NDUFA10: variants seen among roughly 807,000 people sequenced by gnomAD.
NDUFA10 encodes the protein NADH dehydrogenase [ubiquinone] 1 alpha subcomplex subunit 10, mitochondrial.
Under a neutral mutation model 47.8 loss-of-function variants are expected in NDUFA10, and 40 were observed. The observed-to-expected ratio is 0.84, with a 90% confidence interval of 0.65 to 1.09. The LOEUF is 1.09. Ranked by LOEUF, NDUFA10 falls within the 50% of genes least tolerant of loss-of-function variation. The pLI is 0.00. For synonymous variants in NDUFA10, 183 were observed against 172.2 expected, an observed-to-expected ratio of 1.06 and a Z score of -0.49; for missense variants, 413 against 451.1, an observed-to-expected ratio of 0.92 and a Z score of 0.76.
intron 4 of NDUFA10, chr2:239,942,951 G>A (rs951107078): frequency 6.5e-6 from 1 of 154,320 alleles, no homozygotes; most frequent in African/African-American, 2.4e-5. Context: ...GGCAGGAGGA[G>A]CTCAGCCGAA....
At chr2:239,983,486 A>G in intron 9 of NDUFA10, 1 of 1,560,596 alleles carries the variant, frequency 6.4e-7, no homozygotes, top group Non-Finnish European at 8.7e-7. Flanking sequence ...TTCCTTAAAC[A>G]AAATCCTCTA....
intron 4 of NDUFA10, among the ~76,000 whole-genome samples, chr2:239,917,746 G>A (rs1693901299): frequency 6.6e-6 from 1 of 152,220 alleles, no homozygotes; most frequent in South Asian, 2.1e-4. Context: ...GTCATGTGCT[G>A]TCTTTGTTCC....
chr2:239,914,140 CACACAGAGAT>C (rs919179715), intron 4 of NDUFA10, among the ~76,000 whole-genome samples: 64 of 152,140 alleles, frequency 4.2e-4, no homozygotes, highest in South Asian at 1.5e-3. Flanking sequence ...TACAGATACA[CACACAGAGAT>C]ACACAGAGAT....
intron 4 of NDUFA10, among the ~76,000 whole-genome samples, chr2:239,920,811 C>A (rs995157263): frequency 1.3e-5 from 2 of 152,162 alleles, no homozygotes; most frequent in Non-Finnish European, 2.9e-5. Context: ...GAAAGCCTGG[C>A]AGATGCAGAT....
intron 8 of NDUFA10, among the ~76,000 whole-genome samples, chr2:239,996,493 T>A (rs561200840): frequency 6.6e-6 from 1 of 152,166 alleles, no homozygotes; most frequent in Admixed American, 6.5e-5. Flanking sequence ...TGAACGAAAA[T>A]AAAAATACAA....
At chr2:239,922,000 C>G (rs1467866726) in intron 4 of NDUFA10, among the ~76,000 whole-genome samples, 2 of 72,482 alleles carry the variant, frequency 2.8e-5, no homozygotes, top group Non-Finnish European at 6.5e-5. Context: ...CTCCCTCCTT[C>G]CTTCTTTCCT....
intron 9 of NDUFA10, chr2:239,982,059 A>ATG (rs1695797338): frequency 2.5e-6 from 4 of 1,607,340 alleles, no homozygotes; most frequent in Non-Finnish European, 3.4e-6. Context: ...GTTCTGTGGA[A>ATG]TGTCCTCAAA....
intron 4 of NDUFA10, among the ~76,000 whole-genome samples, chr2:239,917,853 C>T (rs1377114545): frequency 6.6e-6 from 1 of 152,228 alleles, no homozygotes; most frequent in African/African-American, 2.4e-5. Context: ...CTCCTGATTC[C>T]CACAACAAGA....
intron 4 of NDUFA10, among the ~76,000 whole-genome samples, chr2:239,916,962 A>ACCG (rs1693890380): frequency 6.6e-6 from 1 of 152,240 alleles, no homozygotes; most frequent in Non-Finnish European, 1.5e-5. Flanking sequence ...AGGCTCTGGC[A>ACCG]TTACAGGGCA....
intron 9 of NDUFA10, chr2:239,983,741 C>T: frequency 1.3e-6 from 2 of 1,550,962 alleles, no homozygotes; most frequent in Non-Finnish European, 1.7e-6. Flanking sequence ...GGGCAACCCT[C>T]AACTGAGGGA....
At chr2:239,915,402 CAGAACACACACAT>C (rs1320724133) in intron 4 of NDUFA10, among the ~76,000 whole-genome samples, 73 of 107,426 alleles carry the variant, frequency 6.8e-4, no homozygotes, top group Middle Eastern at 4.2e-3. Flanking sequence ...TACATACACA[CAGAACACACACAT>C]ACACAGACAC....
intron 4 of NDUFA10, among the ~76,000 whole-genome samples, chr2:239,898,904 G>A (rs1032228268): frequency 2.0e-5 from 3 of 152,146 alleles, no homozygotes; most frequent in South Asian, 2.1e-4. Flanking sequence ...TGTGAAGGAG[G>A]GGAGTGATGG....
chr2:239,896,392 A>G (rs1447946217), intron 4 of NDUFA10, among the ~76,000 whole-genome samples: 1 of 152,238 alleles, frequency 6.6e-6, no homozygotes, highest in Non-Finnish European at 1.5e-5. Flanking sequence ...CACGCCTGTG[A>G]AGCTGGCAGT....
At chr2:239,935,776 T>TC (rs1553558554) in intron 4 of NDUFA10, among the ~76,000 whole-genome samples, 2 of 152,224 alleles carry the variant, frequency 1.3e-5, no homozygotes, top group South Asian at 2.1e-4. Flanking sequence ...TTGGCTCCCA[T>TC]TCTCTTTTGC....
At position 239,959,505 on chromosome 2, in the gene NDUFA10, T is replaced by C; in HGVS notation, c.*1613A>G. The stretch of plus-strand genomic sequence containing the variant: ...TGACTGGCCCAATGCCCAGCTGTGC[T>C]TTCATTTCATGATTAAAGCTGTTGG... On this transcript the variant is annotated 3_prime_UTR_variant, in exon 10 of 10. Coordinates refer to ENST00000252711, the MANE Select transcript of NDUFA10 (RefSeq NM_004544.4). 1.0e-6 allele frequency: 1 copy of C among 985,520 alleles called. No individual in the cohort carries two copies. The highest frequency in any genetic ancestry group is 1.2e-6 in the Non-Finnish European group (1 of 829,948). 61.0% of individuals were successfully genotyped at this position (985,520 alleles called of 1,614,324 possible). A position where few individuals can be genotyped will look rare whatever the true frequency, so the allele number is the denominator to read the frequency against.
At chr2:239,986,343 G>C (rs554844720) in intron 9 of NDUFA10, among the ~76,000 whole-genome samples, 2 of 152,344 alleles carry the variant, frequency 1.3e-5, no homozygotes, top group Non-Finnish European at 2.9e-5. Flanking sequence ...GCAGGGATTA[G>C]GGACGCCATG....
At chr2:239,994,199 G>A (rs890453204) in intron 8 of NDUFA10, among the ~76,000 whole-genome samples, 4 of 152,212 alleles carry the variant, frequency 2.6e-5, no homozygotes, top group Middle Eastern at 3.4e-3. Context: ...CCCAGCCTCC[G>A]GGCCACAAAC....
chr2:239,966,796 C>G (rs555577627), intron 9 of NDUFA10, among the ~76,000 whole-genome samples: 251 of 148,208 alleles, frequency 1.7e-3, no homozygotes, highest in Non-Finnish European at 2.9e-3. Flanking sequence ...GGCTGGGGAA[C>G]AAAGAAGGAA....
At chr2:239,965,192 G>A (rs147799445) in intron 9 of NDUFA10, among the ~76,000 whole-genome samples, 6 of 152,190 alleles carry the variant, frequency 3.9e-5, no homozygotes, top group Admixed American at 6.5e-5. Flanking sequence ...TAATTGTCTC[G>A]GAAAGTTTGT....
Sources: allele counts gnomAD v4.1 joint callset (sites outside exome capture counted in the v4.1 genomes callset), GRCh38; gene constraint gnomAD v4.1.1; transcripts MANE v1.5; gene names NCBI Gene and HGNC (gene_info 2026-07-23, HGNC 2026-07-21).